LGSN: variants seen among roughly 807,000 people sequenced by gnomAD.
The protein encoded by LGSN is lengsin.
Under a neutral mutation model 19.5 loss-of-function variants are expected in LGSN, and 21 were observed. The observed-to-expected ratio is 1.07, with a 90% confidence interval of 0.76 to 1.55. The LOEUF (loss-of-function observed/expected upper bound fraction) is 1.55. Ranked by LOEUF, LGSN falls within the 40% of genes most tolerant of loss-of-function variation. The pLI, the probability that LGSN is intolerant of heterozygous loss-of-function variation, is 0.00. For synonymous variants in LGSN, 257 were observed against 215.6 expected, an observed-to-expected ratio of 1.19 and a Z score of -1.68; for missense variants, 673 against 608.5, an observed-to-expected ratio of 1.11 and a Z score of -1.12.
the LGSN span, among the ~76,000 whole-genome samples, chr6:63,480,891 T>C: frequency 6.9e-6 from 1 of 145,692 alleles, no homozygotes; most frequent in East Asian, 2.0e-4. Flanking sequence ...GCTGCAAAGA[T>C]GTGGAACCAA....
At chr6:63,434,492 C>A in the LGSN span, among the ~76,000 whole-genome samples, 1 of 149,164 alleles carries the variant, frequency 6.7e-6, no homozygotes, top group African/African-American at 2.5e-5. Flanking sequence ...GGTGCCGTGG[C>A]TCACGTCTGT....
chr6:63,358,378 G>T, the LGSN span, among the ~76,000 whole-genome samples: 2 of 152,176 alleles, frequency 1.3e-5, no homozygotes, highest in Non-Finnish European at 2.9e-5. Context: ...GAAAGTCATT[G>T]GTAGCTTGAT....
chr6:63,457,304 A>T, the LGSN span, among the ~76,000 whole-genome samples: 1 of 152,108 alleles, frequency 6.6e-6, no homozygotes, highest in Non-Finnish European at 1.5e-5. Context: ...CAGGAGTTCG[A>T]GACCAGCCTG....
At chr6:63,529,424 G>A in the LGSN span, among the ~76,000 whole-genome samples, 1 of 151,628 alleles carries the variant, frequency 6.6e-6, no homozygotes, top group East Asian at 1.9e-4. Context: ...CAAACTTTTA[G>A]GCAAAATAAT....
At position 63,280,851 on chromosome 6, in the gene LGSN, T is replaced by A; in HGVS notation, c.700A>T (p.Asn234Tyr). The A allele has an allele frequency of 6.2e-7, 1 of 1,614,010 alleles. No homozygotes were observed. ...ISFPALTFLN[N>Y]HDQPFMQELV... ...TCCTGCATGAAGGGCTGATCATGGT[T>A]ATTTAAAAATGTTAAAGCAGGAAAA... The change falls in exon 4 of 4, where the codon AAC becomes TAC. Residue 234 changes from asparagine (N) to tyrosine (Y), a missense_variant. By Grantham distance (143) the Asn-to-Tyr change is moderately radical. Transcript: ENST00000370657.
the LGSN span, among the ~76,000 whole-genome samples, chr6:63,412,766 A>AG: frequency 4.6e-5 from 1 of 21,606 alleles, no homozygotes; most frequent in African/African-American, 1.4e-4. Flanking sequence ...AAAGAAAGAA[A>AG]GAAAGGAAGG....
chr6:63,375,125 T>C, the LGSN span, among the ~76,000 whole-genome samples: 1 of 152,150 alleles, frequency 6.6e-6, no homozygotes, highest in African/African-American at 2.4e-5. Flanking sequence ...AAGAATTAAT[T>C]CCGTTTTTGT....
chr6:63,295,002 A>T lies in LGSN; in HGVS notation c.74T>A (p.Met25Lys), dbSNP rs778693440. 6.2e-7 allele frequency: 1 copy of T among 1,613,674 alleles called. No individual in the cohort carries two copies. The highest frequency in any genetic ancestry group is 8.5e-7 in the Non-Finnish European group (1 of 1,179,672). The change falls in exon 2 of 4, where the codon ATG becomes AAG. Residue 25 changes from methionine (M) to lysine (K), a missense_variant. Met to Lys is a moderately conservative substitution (Grantham distance 95). Transcript: ENST00000370657. The stretch of plus-strand genomic sequence containing the variant: ...CTTCCTTGTCCTTCTTAATGTGTTC[A>T]TGCTGTTGGCTTCAGTCTCATTGCC... ...DEGNETEANS[M>K]NTLRRTRKKV...
At chr6:63,368,416 G>C in the LGSN span, among the ~76,000 whole-genome samples, 1 of 152,032 alleles carries the variant, frequency 6.6e-6, no homozygotes, top group Admixed American at 6.6e-5. Flanking sequence ...TGTCCCCTCC[G>C]TTCCAGAAAT....
the LGSN span, among the ~76,000 whole-genome samples, chr6:63,346,355 A>C: frequency 6.6e-6 from 1 of 151,514 alleles, no homozygotes; most frequent in Non-Finnish European, 1.5e-5. Context: ...ATAATTGATC[A>C]TATCTTCTTG....
At chr6:63,425,748 G>C in the LGSN span, among the ~76,000 whole-genome samples, 1 of 151,962 alleles carries the variant, frequency 6.6e-6, no homozygotes, top group Non-Finnish European at 1.5e-5. Context: ...GGGGCAGGAG[G>C]ATTGCTTCAG....
chr6:63,284,515 G>T (rs1306942631), intron 3 of LGSN, among the ~76,000 whole-genome samples: 1 of 151,836 alleles, frequency 6.6e-6, no homozygotes, highest in Non-Finnish European at 1.5e-5. Context: ...CCTATATATG[G>T]ACTTTTAGGT....
At chr6:63,377,913 C>CAAAAAAAAAAAAAAA in the LGSN span, among the ~76,000 whole-genome samples, 8 of 54,328 alleles carry the variant, frequency 1.5e-4, no homozygotes, top group East Asian at 3.8e-4. Context: ...GACTCCATCT[C>CAAAAAAAAAAAAAAA]AAAAAAAAAA....
At chr6:63,563,284 A>G in the LGSN span, among the ~76,000 whole-genome samples, 1 of 152,226 alleles carries the variant, frequency 6.6e-6, no homozygotes, top group East Asian at 1.9e-4. Flanking sequence ...ACAAGGTCCT[A>G]CGTGATCCAG....
chr6:63,308,323 A>C (rs1377369945), intron 1 of LGSN, among the ~76,000 whole-genome samples: 2 of 152,138 alleles, frequency 1.3e-5, no homozygotes, highest in African/African-American at 2.4e-5. Context: ...ATTCAAGTTC[A>C]TTACAAGACA....
chr6:63,316,669 C>T (rs1314860005), intron 1 of LGSN, among the ~76,000 whole-genome samples: 3 of 151,412 alleles, frequency 2.0e-5, no homozygotes, highest in African/African-American at 7.3e-5. Flanking sequence ...GTAGACAGGA[C>T]AAAAATAATT....
At chr6:63,571,346 C>CT in the LGSN span, 1 of 152,158 alleles carries the variant, frequency 6.6e-6, no homozygotes, top group African/African-American at 2.4e-5. Flanking sequence ...AAACAAAAGG[C>CT]TTCAGTGTTA....
At chr6:63,495,456 CT>C in the LGSN span, among the ~76,000 whole-genome samples, 337 of 77,750 alleles carry the variant, frequency 4.3e-3, 1 homozygote, top group Non-Finnish European at 5.6e-3. Flanking sequence ...TTTTCTTTTT[CT>C]TTTTTTTTTT....
chr6:63,441,149 C>T, the LGSN span: 1 of 195,442 alleles, frequency 5.1e-6, no homozygotes, highest in Non-Finnish European at 1.0e-5. Context: ...GCCGAGGTTG[C>T]AGTGAGCCGA....
Sources: allele counts gnomAD v4.1 joint callset (sites outside exome capture counted in the v4.1 genomes callset), GRCh38; gene constraint gnomAD v4.1.1; transcripts MANE v1.5; gene names NCBI Gene and HGNC (gene_info 2026-07-23, HGNC 2026-07-21).